TMEM94: variants seen among roughly 807,000 people sequenced by gnomAD.
TMEM94 encodes the protein ER Mg2+ ATPase.
Under a neutral mutation model 158.6 loss-of-function variants are expected in TMEM94, and 81 were observed. The ratio of observed to expected loss-of-function variants is 0.51; its 90% CI spans 0.43 to 0.61. The LOEUF (loss-of-function observed/expected upper bound fraction) is 0.61, where lower values mean the gene tolerates loss of function less well. TMEM94 is among the 20% of genes least tolerant of loss of function. The probability of loss-of-function intolerance (pLI) is 0.00; values close to 1 mark genes in which losing one functional copy is unlikely to be tolerated. For missense variants in TMEM94, 1,435 were observed against 1,762.0 expected, an observed-to-expected ratio of 0.81 and a Z score of 3.32; for synonymous variants, 751 against 730.7, an observed-to-expected ratio of 1.03 and a Z score of -0.45.
chr17:75,490,744 G>GCTGT lies in TMEM94; in HGVS notation c.1117_1120dup (p.Ser374CysfsTer75). ...GGATACTCTCAGCAGCTATACGGAG[G>GCTGT]CTGTCTCCTCTCAGGTACAACACTG... On this transcript the variant is annotated frameshift_variant, in exon 11 of 32. Coordinates refer to ENST00000314256, the MANE Select transcript of TMEM94 (RefSeq NM_014738.6). LOFTEE classifies it high-confidence loss of function. 1 of 1,614,062 alleles carries GCTGT rather than the reference G, an allele frequency of 6.2e-7. No homozygotes were observed. The highest frequency in any genetic ancestry group is 8.5e-7 in the Non-Finnish European group (1 of 1,179,926).
chr17:75,465,679 A>ATATATATATTTT (rs1247855961), intron 1 of TMEM94, among the ~76,000 whole-genome samples: 2 of 124,848 alleles, frequency 1.6e-5, no homozygotes, highest in African/African-American at 3.5e-5. Flanking sequence ...ATATATATAT[A>ATATATATATTTT]TTTTTTTTTA....
At chr17:75,466,148 A>C (rs934089052) in intron 1 of TMEM94, among the ~76,000 whole-genome samples, 1 of 152,174 alleles carries the variant, frequency 6.6e-6, no homozygotes, top group Non-Finnish European at 1.5e-5. Flanking sequence ...ATCCCAAGTT[A>C]TAAAGATTCC....
chr17:75,490,086 A>G, intron 9 of TMEM94, 148 bp from the exon 10 acceptor site: 2 of 1,251,532 alleles, frequency 1.6e-6, no homozygotes, highest in East Asian at 5.0e-5. Context: ...TCAAAAAAAA[A>G]AAAAAAGAAC....
chr17:75,468,705 G>GCC (rs2050392479), intron 1 of TMEM94, among the ~76,000 whole-genome samples: 1 of 152,248 alleles, frequency 6.6e-6, no homozygotes, highest in South Asian at 2.1e-4. Context: ...CAGCATGGGT[G>GCC]CCACCTTGAG....
intron 2 of TMEM94, among the ~76,000 whole-genome samples, chr17:75,472,988 T>C (rs561567391): frequency 4.6e-5 from 7 of 152,322 alleles, no homozygotes; most frequent in African/African-American, 1.4e-4. Context: ...TTAACTCATC[T>C]CTTCCACTTC....
rs1567972022 is a variant in TMEM94 at position 75,495,358 on chromosome 17, A to G, written c.2803A>G (p.Thr935Ala). The G allele has an allele frequency of 6.2e-7, 1 of 1,613,884 alleles. No individual in the cohort carries two copies. The stretch of plus-strand genomic sequence containing the variant: ...CTCGGACCTCATCAGCTTCCAGCCT[A>G]CGGACAGCGACATCCCCAGCTTCCT... ...GHSDLISFQP[T>A]DSDIPSFLED... Residue 935 changes from threonine to alanine, a missense_variant, in exon 21 of 32, where the codon ACG (threonine) becomes GCG (alanine). Around this residue, in one of 3 missense-constraint regions of TMEM94, gnomAD observed 1,051 missense variants for 1,254.4 expected, o/e 0.84. Coordinates refer to ENST00000314256, the MANE Select transcript of TMEM94 (RefSeq NM_014738.6). This position sits in a 1 kb window ranked among gnomAD's most constrained non-coding sequence, Gnocchi z 5.6.
intron 5 of TMEM94, among the ~76,000 whole-genome samples, chr17:75,486,866 A>G (rs2051667727): frequency 6.6e-6 from 1 of 152,168 alleles, no homozygotes; most frequent in Non-Finnish European, 1.5e-5. Context: ...CAGCTCCAAA[A>G]GGGAGGGGAG....
chr17:75,482,781 A>G, intron 2 of TMEM94, among the ~76,000 whole-genome samples: 1 of 151,410 alleles, frequency 6.6e-6, no homozygotes, highest in East Asian at 1.9e-4. Context: ...TCATTCATTT[A>G]TTCATTCATT....
intron 1 of TMEM94, chr17:75,457,257 GT>G (rs1236880057): frequency 6.6e-6 from 1 of 152,296 alleles, no homozygotes; most frequent in Non-Finnish European, 1.5e-5. Flanking sequence ...TGATCTTGCA[GT>G]TTGGAGCGGG....
chr17:75,487,887 G>C lies in TMEM94; in HGVS notation c.410-45G>C. On this transcript the variant is annotated intron_variant, in intron 5 of 31. Transcript: ENST00000314256. This position sits in a 1 kb window ranked among gnomAD's most constrained non-coding sequence, Gnocchi z 4.6. ...TGCTGCTGTATCTGACTGGGGGGCAGGGCCGTGGCTGAGAGGGTTGTTTCC... is the reference window on the plus strand; with the variant it reads ...TGCTGCTGTATCTGACTGGGGGGCACGGCCGTGGCTGAGAGGGTTGTTTCC... 1 of 1,538,206 alleles carries C rather than the reference G, an allele frequency of 6.5e-7. No individual in the cohort carries two copies. The highest frequency in any genetic ancestry group is 2.3e-5 in the East Asian group (1 of 44,310).
rs1423453141 is a variant in TMEM94 at position 75,493,708 on chromosome 17, G to A, written c.2199G>A (p.Val733=). The A allele has an allele frequency of 6.2e-7, 1 of 1,613,870 alleles. No homozygotes were observed. The highest frequency in any genetic ancestry group is 1.3e-5 in the African/African-American group (1 of 74,936). The part of the protein sequence containing the change: ...YPLSGSDRKK[V]LDFYQRACLS... The stretch of plus-strand genomic sequence containing the variant: ...CCTGCTTCCCTGGCAGAAAGAAAGT[G>A]CTGGACTTCTACCAGCGAGCCTGCC... Residue 733 remains valine (V), a synonymous_variant, in exon 18 of 32, where the codon GTG becomes GTA. Transcript: ENST00000314256.
chr17:75,471,202 G>T (rs1224506580), intron 1 of TMEM94, among the ~76,000 whole-genome samples: 1 of 144,436 alleles, frequency 6.9e-6, no homozygotes, highest in Admixed American at 7.0e-5. Context: ...TCGGGTCATA[G>T]CACTCCAGCC....
At chr17:75,464,633 T>C (rs1032808413) in intron 1 of TMEM94, among the ~76,000 whole-genome samples, 1 of 91,638 alleles carries the variant, frequency 1.1e-5, no homozygotes, top group Non-Finnish European at 2.5e-5. Flanking sequence ...CCTTCCTTCC[T>C]TCCTTCCTTC....
At position 75,493,834 on chromosome 17, in the gene TMEM94, AAGC is replaced by A; in HGVS notation, c.2330_2332del (p.Ser777del). On this transcript the variant is annotated inframe_deletion, in exon 18 of 32. Coordinates refer to ENST00000314256, the MANE Select transcript of TMEM94 (RefSeq NM_014738.6). ...TCGAGCTGGTACAGGTGCCCGGCCAAAGCAGCATCTTCACCATGTGCGAGCTGC... is the reference window on the plus strand; with the variant it reads ...TCGAGCTGGTACAGGTGCCCGGCCAAAGCATCTTCACCATGTGCGAGCTGC... The A allele has an allele frequency of 6.2e-7, 1 of 1,613,704 alleles. No homozygotes were observed. The highest frequency in any genetic ancestry group is 8.5e-7 in the Non-Finnish European group (1 of 1,180,020).
chr17:75,473,224 AGGTTTCT>A (rs2050561752), intron 2 of TMEM94, among the ~76,000 whole-genome samples: 1 of 152,154 alleles, frequency 6.6e-6, no homozygotes, highest in South Asian at 2.1e-4. Context: ...GCTGTGCAAT[AGGTTTCT>A]GGAATTGAAC....
intron 1 of TMEM94, among the ~76,000 whole-genome samples, chr17:75,459,200 T>G (rs1481682040): frequency 6.6e-6 from 1 of 152,242 alleles, no homozygotes; most frequent in East Asian, 1.9e-4. Flanking sequence ...CCTTGCTCAC[T>G]GGTTCTCTTT....
Position 75,499,108 on chromosome 17 carries a change from T to G in TMEM94, c.3998+26T>G, listed in dbSNP as rs1250120218. 2.5e-6 allele frequency: 4 copies of G among 1,574,466 alleles called. No individual in the cohort carries two copies. In the African/African-American group the frequency reaches 5.4e-5, roughly 21 times the overall value. The stretch of plus-strand genomic sequence containing the variant: ...GTGAGCTGTCAGCAGGGCGCCTCCC[T>G]CTGGGCTCAGGCATGTTCCCTAAAC... On this transcript the variant is annotated intron_variant, in intron 31 of 31. Transcript: ENST00000314256.
chr17:75,459,030 C>T (rs2049982275), intron 1 of TMEM94, among the ~76,000 whole-genome samples: 1 of 150,340 alleles, frequency 6.7e-6, no homozygotes, highest in African/African-American at 2.5e-5. Flanking sequence ...GCACTCCAGC[C>T]TGGGCGACAC....
intron 18 of TMEM94, 138 bp downstream of exon 18, chr17:75,494,054 C>T (rs1262130421): frequency 2.0e-5 from 16 of 793,582 alleles, no homozygotes; most frequent in South Asian, 7.1e-5. Context: ...CAGGCTGGGA[C>T]GCCAGTGTGG....
Sources: gnomAD v4.1 joint callset for allele counts (sites outside exome capture counted in the v4.1 genomes callset) on GRCh38, gnomAD v4.1.1 for gene constraint, gnomAD v4.1.1 regional missense constraint, Gnocchi (gnomAD v3.1) non-coding constraint, MANE v1.5 for transcripts, NCBI Gene and HGNC (gene_info 2026-07-23, HGNC 2026-07-21) for gene names.